NTN1: variants seen among roughly 807,000 people sequenced by gnomAD.
NTN1 encodes netrin-1.
Under a neutral mutation model 54.2 loss-of-function variants are expected in NTN1, and 11 were observed. That is an observed-to-expected ratio of 0.20 (90% CI 0.13 to 0.34). The LOEUF (loss-of-function observed/expected upper bound fraction) is 0.34, where lower values mean the gene tolerates loss of function less well. Ranked by LOEUF, NTN1 falls within the 10% of genes least tolerant of loss-of-function variation. The pLI is 1.00. For synonymous variants in NTN1, 371 were observed against 382.0 expected (o/e 0.97, Z 0.33); for missense variants, 740 against 893.1 (o/e 0.83, Z 2.18).
intron 6 of NTN1, among the ~76,000 whole-genome samples, chr17:9,230,370 G>A (rs34921333): frequency 0.61 from 93,057 of 151,744 alleles, 29,722 homozygotes; most frequent in African/African-American, 0.81. Context: ...CACGTGGCAT[G>A]GTGTTTCGGA....
rs1403342016 is a variant in NTN1 at position 9,243,271 on chromosome 17, C to CAGGG, written c.*3312_*3315dup. On this transcript the variant is annotated 3_prime_UTR_variant, in exon 7 of 7. Coordinates refer to ENST00000173229, the MANE Select transcript of NTN1 (RefSeq NM_004822.3). ...GGGAGGGACACCTGGGGTCACAACC[C>CAGGG]AGGGAGGGAGGGTCACAGCCCAGGG... 6.6e-6 allele frequency: 1 copy of CAGGG among 151,640 alleles called. No individual in the cohort carries two copies. Among genetic ancestry groups the CAGGG allele is most frequent in the African/African-American group, 2.4e-5 (1 of 41,184 alleles). 9.4% of individuals were successfully genotyped at this position (151,640 alleles called of 1,614,324 possible).
At chr17:9,235,750 C>CT (rs1163805143) in intron 6 of NTN1, among the ~76,000 whole-genome samples, 62 of 50,858 alleles carry the variant, frequency 1.2e-3, no homozygotes, top group East Asian at 4.4e-3. Flanking sequence ...TTTTTTTTTT[C>CT]TTTTTTTTTT....
intron 2 of NTN1, among the ~76,000 whole-genome samples, chr17:9,128,249 G>T (rs554443519): frequency 2.6e-5 from 4 of 151,646 alleles, no homozygotes; most frequent in African/African-American, 9.7e-5. Context: ...GGCGGAGGTT[G>T]CAGTGAGCTG....
chr17:9,163,010 C>T lies in NTN1; in HGVS notation c.1207+9C>T. On this transcript the variant is annotated intron_variant, in intron 3 of 6. Transcript: ENST00000173229. ...CCGGAAGGCCTGCAAAGGTGGGCTA[C>T]ACGTGGCGGGGCGGGGGGCTGGGGA... 1 of 1,596,006 alleles carries T rather than the reference C, an allele frequency of 6.3e-7. No individual in the cohort carries two copies. The highest frequency in any genetic ancestry group is 8.5e-7 in the Non-Finnish European group (1 of 1,169,656).
chr17:9,189,393 C>G (rs115808861), intron 5 of NTN1, among the ~76,000 whole-genome samples: 1 of 152,162 alleles, frequency 6.6e-6, no homozygotes, highest in African/African-American at 2.4e-5. Context: ...GCTCTTTCGC[C>G]CAGGCTGTAG....
Position 9,221,103 on chromosome 17 carries a change from C to G in NTN1, c.1412-65C>G. 1 of 1,188,878 alleles carries G rather than the reference C, an allele frequency of 8.4e-7. No homozygotes were observed. Among genetic ancestry groups the G allele is most frequent in the Non-Finnish European group, 1.3e-6 (1 of 793,352 alleles). 73.6% of individuals were successfully genotyped at this position (1,188,878 alleles called of 1,614,324 possible). ...TTAGGGAGGCGGCCTCCTACTCTGC[C>G]CGCCAGCCTATTCATCGCCAGCCTA... On this transcript the variant is annotated intron_variant, in intron 5 of 6. Transcript: ENST00000173229. The surrounding 1 kb of genome is among the most constrained non-coding windows in gnomAD (Gnocchi z 4.5).
intron 5 of NTN1, among the ~76,000 whole-genome samples, chr17:9,208,198 C>T (rs1905018044): frequency 1.3e-5 from 2 of 152,168 alleles, no homozygotes; most frequent in South Asian, 2.1e-4. Flanking sequence ...TGCCATTGCA[C>T]TCCAGCCTAG....
chr17:9,172,063 T>C (rs909841924), intron 3 of NTN1, among the ~76,000 whole-genome samples: 6 of 151,944 alleles, frequency 3.9e-5, no homozygotes, highest in South Asian at 2.1e-4. Flanking sequence ...TAATTTTGTA[T>C]TTTTAGTAGA....
chr17:9,045,163 C>T (rs1294407788), intron 2 of NTN1, among the ~76,000 whole-genome samples: 3 of 152,282 alleles, frequency 2.0e-5, no homozygotes, highest in Admixed American at 1.3e-4. Flanking sequence ...TGATTCCTAG[C>T]CTGAAGCTGG....
chr17:9,052,904 C>T (rs138274619), intron 2 of NTN1, among the ~76,000 whole-genome samples: 6 of 152,360 alleles, frequency 3.9e-5, no homozygotes, highest in African/African-American at 1.4e-4. Context: ...ACCTCTCTGT[C>T]CCTGTGGCAG....
At chr17:9,116,835 T>G (rs2092214371) in intron 2 of NTN1, among the ~76,000 whole-genome samples, 1 of 152,036 alleles carries the variant, frequency 6.6e-6, no homozygotes, top group Non-Finnish European at 1.5e-5. Flanking sequence ...AGGAGAAAGG[T>G]GGAGGCATAT....
intron 5 of NTN1, among the ~76,000 whole-genome samples, chr17:9,196,719 T>C (rs1904643761): frequency 6.6e-6 from 1 of 152,204 alleles, no homozygotes. Context: ...GAGAAGAGTG[T>C]GACAAGTGTC....
In NTN1 at chr17:9,203,847, G is replaced by A. The variant is rs80269319; in HGVS notation, c.1412-17321G>A. Among the ~76,000 whole-genome samples the A allele has an allele frequency of 7.4e-3, 1,128 of 152,048 alleles. 19 individuals carry two copies. The highest frequency in any genetic ancestry group is 0.026 in the African/African-American group (1,075 of 41,480). ...AAAGGAAGAAAAGAAAAAGAACTGA[G>A]GACCAGAGAGTCTAGGAAGAGGAAG... On this transcript the variant is annotated intron_variant, in intron 5 of 6. Coordinates refer to ENST00000173229, the MANE Select transcript of NTN1 (RefSeq NM_004822.3).
intron 2 of NTN1, among the ~76,000 whole-genome samples, chr17:9,142,302 A>G (rs1017515060): frequency 6.6e-6 from 1 of 150,684 alleles, no homozygotes; most frequent in Non-Finnish European, 1.5e-5. Context: ...AAGAAAAAAA[A>G]AAAAAGAAAA....
At position 9,221,096 on chromosome 17, in the gene NTN1, A is replaced by C. The variant is rs991051339; in HGVS notation, c.1412-72A>C. The C allele has an allele frequency of 1.8e-6, 2 of 1,113,716 alleles. No homozygotes were observed. Among genetic ancestry groups the C allele is most frequent in the African/African-American group, 3.1e-5 (2 of 64,058 alleles). The allele number at this position is 1,113,716 out of a possible 1,614,324, so 69.0% of individuals were successfully genotyped here. A position where few individuals can be genotyped will look rare whatever the true frequency, so the allele number is the denominator to read the frequency against. The stretch of plus-strand genomic sequence containing the variant: ...TGGCTATTTAGGGAGGCGGCCTCCT[A>C]CTCTGCCCGCCAGCCTATTCATCGC... On this transcript the variant is annotated intron_variant, in intron 5 of 6. Transcript: ENST00000173229. This position sits in a 1 kb window ranked among gnomAD's most constrained non-coding sequence, Gnocchi z 4.5.
rs571563816 is a variant in NTN1, at chr17:9,073,172, C to T, written c.1018+49781C>T. Among the ~76,000 whole-genome samples, 6 of 152,314 alleles carry T rather than the reference C, an allele frequency of 3.9e-5. No individual in the cohort carries two copies. In the East Asian group the frequency reaches 1.2e-3, roughly 29 times the overall value. On this transcript the variant is annotated intron_variant, in intron 2 of 6. Transcript: ENST00000173229. ...GGCCCAAGCAGCCATGCACAGGGGC[C>T]GCATTTGCAAACAGTGGCTGGGAGG... is the stretch of plus-strand genomic sequence containing the variant.
Position 9,226,591 on chromosome 17 carries a change from C to G in NTN1, c.1486+5349C>G, listed in dbSNP as rs188379695. ...GCCGCCCTCTCCTGGGGCACTCAGTCCTCTGTTACCCTCTAGGGGATCCGG... is the reference window on the plus strand; with the variant it reads ...GCCGCCCTCTCCTGGGGCACTCAGTGCTCTGTTACCCTCTAGGGGATCCGG... On this transcript the variant is annotated intron_variant, in intron 6 of 6. Coordinates refer to ENST00000173229, the MANE Select transcript of NTN1 (RefSeq NM_004822.3). Among the ~76,000 whole-genome samples, 29 of 152,100 alleles carry G rather than the reference C, an allele frequency of 1.9e-4. 2 individuals carry two copies. In the East Asian group the frequency reaches 5.4e-3, roughly 28 times the overall value.
chr17:9,213,034 G>A (rs1024635530), intron 5 of NTN1, among the ~76,000 whole-genome samples: 1 of 152,246 alleles, frequency 6.6e-6, no homozygotes, highest in Non-Finnish European at 1.5e-5. Flanking sequence ...GAAGAGGCAG[G>A]ACGGTCTCGG....
At chr17:9,147,383 C>T (rs539242940) in intron 2 of NTN1, among the ~76,000 whole-genome samples, 13 of 152,234 alleles carry the variant, frequency 8.5e-5, no homozygotes, top group Admixed American at 6.5e-4. Context: ...GGCATAGTGG[C>T]GGGCACCTGT....
Sources: allele counts gnomAD v4.1 joint callset (sites outside exome capture counted in the v4.1 genomes callset), GRCh38; gene constraint gnomAD v4.1.1; non-coding constraint Gnocchi (gnomAD v3.1); transcripts MANE v1.5; gene names NCBI Gene and HGNC (gene_info 2026-07-23, HGNC 2026-07-21).